SLC39A11: variants seen among roughly 807,000 people sequenced by gnomAD.
SLC39A11 encodes the protein solute carrier family 39 member 11, also known as zinc transporter ZIP11.
In SLC39A11, 33 loss-of-function variants were observed where a neutral mutation model predicts 36.1. The ratio of observed to expected loss-of-function variants is 0.91; its 90% CI spans 0.69 to 1.22. SLC39A11 has a LOEUF of 1.22. Among genes scored for constraint, SLC39A11 ranks in the 50% most tolerant of loss-of-function variants. The pLI is 0.00. For synonymous variants in SLC39A11, 166 were observed against 170.3 expected, an observed-to-expected ratio of 0.97 and a Z score of 0.20; for missense variants, 432 against 430.3, an observed-to-expected ratio of 1.00 and a Z score of -0.03.
At chr17:73,027,075 T>C (rs1358770794) in intron 4 of SLC39A11, among the ~76,000 whole-genome samples, 1 of 152,294 alleles carries the variant, frequency 6.6e-6, no homozygotes, top group South Asian at 2.1e-4. Flanking sequence ...TAAGCCGCGA[T>C]CATGCCACTG....
At chr17:73,062,446 T>C (rs997851835) in intron 3 of SLC39A11, among the ~76,000 whole-genome samples, 9 of 33,204 alleles carry the variant, frequency 2.7e-4, no homozygotes, top group African/African-American at 1.2e-3. Flanking sequence ...TGGGTGATAG[T>C]GCCAGAGCTT....
rs112027531 is a variant in SLC39A11, at chr17:72,822,772, T to C, written c.601+26862A>G. Among the ~76,000 whole-genome samples, 1,463 of 150,990 alleles carry C rather than the reference T, an allele frequency of 9.7e-3. 36 individuals are homozygous for C. Among genetic ancestry groups the C allele is most frequent in the African/African-American group, 0.033 (1,373 of 41,416 alleles). Reference sequence around the variant, plus strand: ...CTCTGTCACCCAGGCTGGAGTGCAGTGGCACGATCATAGCTCACTGCAGCT... The same window carrying C: ...CTCTGTCACCCAGGCTGGAGTGCAGCGGCACGATCATAGCTCACTGCAGCT... On this transcript the variant is annotated intron_variant, in intron 6 of 9. Coordinates refer to ENST00000255559, the MANE Select transcript of SLC39A11 (RefSeq NM_139177.4).
intron 3 of SLC39A11, among the ~76,000 whole-genome samples, chr17:73,063,930 T>A (rs2059921528): frequency 6.6e-6 from 1 of 152,210 alleles, no homozygotes; most frequent in Non-Finnish European, 1.5e-5. Flanking sequence ...ACAATACTAA[T>A]CTGGTTTCCC....
chr17:72,662,160 T>G (rs936662473), intron 7 of SLC39A11, among the ~76,000 whole-genome samples: 3 of 151,950 alleles, frequency 2.0e-5, no homozygotes, highest in Admixed American at 1.3e-4. Flanking sequence ...TCCCAGCAAC[T>G]CAGGAGATGG....
At chr17:72,681,102 C>T (rs1184127318) in intron 7 of SLC39A11, among the ~76,000 whole-genome samples, 1 of 152,048 alleles carries the variant, frequency 6.6e-6, no homozygotes, top group Non-Finnish European at 1.5e-5. Context: ...AACACCATGC[C>T]CAGGTAATTT....
At chr17:72,844,299 T>C (rs187987693) in intron 6 of SLC39A11, among the ~76,000 whole-genome samples, 110 of 152,312 alleles carry the variant, frequency 7.2e-4, no homozygotes, top group African/African-American at 2.5e-3. Context: ...TGAGCCACAG[T>C]GGGTCTTTGG....
Position 72,976,331 on chromosome 17 carries a change from C to T in SLC39A11, c.307-28456G>A, listed in dbSNP as rs573594768. ...CCCCCAAACACACTTTGAGAACTACCACTTTAAGATCACACCTCTTTAATA... is the reference window on the plus strand; with the variant it reads ...CCCCCAAACACACTTTGAGAACTACTACTTTAAGATCACACCTCTTTAATA... On this transcript the variant is annotated intron_variant, in intron 4 of 9. Coordinates refer to ENST00000255559, the MANE Select transcript of SLC39A11 (RefSeq NM_139177.4). 1.1e-4 allele frequency among the ~76,000 whole-genome samples: 17 copies of T among 152,166 alleles called. No individual in the cohort carries two copies. The South Asian group carries it at 3.3e-3, about 30-fold the overall frequency.
At chr17:72,919,686 G>A (rs61661345) in intron 5 of SLC39A11, among the ~76,000 whole-genome samples, 22,488 of 71,604 alleles carry the variant, frequency 0.31, 2,663 homozygotes, top group African/African-American at 0.48. Flanking sequence ...AAAAAAAAAA[G>A]AAAAAAAGAA....
intron 6 of SLC39A11, among the ~76,000 whole-genome samples, chr17:72,746,987 C>T (rs951386339): frequency 6.6e-6 from 1 of 151,984 alleles, no homozygotes; most frequent in African/African-American, 2.4e-5. Flanking sequence ...GTCAAGGCTG[C>T]AGTGAGCTAT....
intron 6 of SLC39A11, among the ~76,000 whole-genome samples, chr17:72,801,032 G>T (rs1485027477): frequency 6.6e-6 from 1 of 152,124 alleles, no homozygotes; most frequent in Non-Finnish European, 1.5e-5. Context: ...CTAACACTGG[G>T]CTAATTTAAA....
intron 5 of SLC39A11, among the ~76,000 whole-genome samples, chr17:72,871,989 G>A (rs1342730723): frequency 7.2e-5 from 11 of 152,294 alleles, no homozygotes; most frequent in Middle Eastern, 3.4e-3. Context: ...CTCAGCTGGT[G>A]TCCTTACAAA....
At chr17:73,004,210 A>AG (rs1491450426) in intron 4 of SLC39A11, among the ~76,000 whole-genome samples, 19 of 128,976 alleles carry the variant, frequency 1.5e-4, no homozygotes, top group African/African-American at 4.6e-4. Context: ...AAAGAAAGAA[A>AG]GAAAGAAAGA....
chr17:72,873,945 C>G (rs557774349), intron 5 of SLC39A11, among the ~76,000 whole-genome samples: 81 of 152,278 alleles, frequency 5.3e-4, no homozygotes, highest in African/African-American at 1.6e-3. Context: ...GGGCTCCCCC[C>G]ACTTGCTCAG....
intron 7 of SLC39A11, among the ~76,000 whole-genome samples, chr17:72,682,127 C>T (rs780571157): frequency 5.3e-5 from 8 of 152,160 alleles, no homozygotes; most frequent in South Asian, 4.1e-4. Context: ...TTGTGATGAT[C>T]GGTCACTGTC....
At chr17:72,664,558 AGCCTCCATCATG>A (rs2070641297) in intron 7 of SLC39A11, among the ~76,000 whole-genome samples, 1 of 152,166 alleles carries the variant, frequency 6.6e-6, no homozygotes, top group African/African-American at 2.4e-5. Flanking sequence ...CTAAGGTGCA[AGCCTCCATCATG>A]TCCTTCCTGG....
At chr17:72,876,676 T>A (rs953161654) in intron 5 of SLC39A11, among the ~76,000 whole-genome samples, 8 of 152,200 alleles carry the variant, frequency 5.3e-5, no homozygotes, top group African/African-American at 1.2e-4. Flanking sequence ...GTGCTTCCTA[T>A]TGACCAACTC....
intron 5 of SLC39A11, among the ~76,000 whole-genome samples, chr17:72,869,701 T>A (rs1342667813): frequency 6.6e-6 from 1 of 151,892 alleles, no homozygotes; most frequent in Non-Finnish European, 1.5e-5. Context: ...TTTTTAAAAA[T>A]TGATTTTCAT....
At chr17:72,891,114 G>A (rs371669840) in intron 5 of SLC39A11, among the ~76,000 whole-genome samples, 3 of 151,924 alleles carry the variant, frequency 2.0e-5, no homozygotes, top group Non-Finnish European at 2.9e-5. Context: ...GTGGCAGGGC[G>A]GAGGGAAGAC....
At chr17:72,989,022 C>T (rs1222065158) in intron 4 of SLC39A11, among the ~76,000 whole-genome samples, 3 of 152,140 alleles carry the variant, frequency 2.0e-5, no homozygotes, top group South Asian at 2.1e-4. Flanking sequence ...ACCAGCCTGG[C>T]CACCACGATA....
Sources: gnomAD v4.1 joint callset for allele counts (sites outside exome capture counted in the v4.1 genomes callset) on GRCh38, gnomAD v4.1.1 for gene constraint, MANE v1.5 for transcripts, NCBI Gene and HGNC (gene_info 2026-07-23, HGNC 2026-07-21) for gene names.